The following ABCA12 variants were observed in gnomAD, a reference collection of about 807,000 sequenced individuals.
ABCA12 encodes glucosylceramide transporter ABCA12.
ABCA12 carries 156 observed loss-of-function variants against 293.5 expected under a neutral mutation model. That is an observed-to-expected ratio of 0.53 (90% CI 0.47 to 0.61). The LOEUF (loss-of-function observed/expected upper bound fraction) is 0.61, where lower values mean the gene tolerates loss of function less well. ABCA12 is among the 20% of genes least tolerant of loss of function. The probability of loss-of-function intolerance (pLI) is 0.00; values close to 1 mark genes in which losing one functional copy is unlikely to be tolerated. For synonymous variants in ABCA12, 1,063 were observed against 1,108.0 expected, an observed-to-expected ratio of 0.96 and a Z score of 0.81; for missense variants, 2,797 against 3,090.2, an observed-to-expected ratio of 0.91 and a Z score of 2.25.
intron 30 of ABCA12, among the ~76,000 whole-genome samples, 198 bp downstream of exon 30, chr2:214,981,989 A>AT (rs1699676652): frequency 1.0e-5 from 1 of 97,230 alleles, no homozygotes; most frequent in African/African-American, 4.4e-5. Context: ...TTATTATTTT[A>AT]TTATTATTGA....
chr2:215,103,608 T>A (rs1702404209), intron 2 of ABCA12, among the ~76,000 whole-genome samples: 1 of 152,110 alleles, frequency 6.6e-6, no homozygotes, highest in Admixed American at 6.6e-5. Flanking sequence ...CTCAGTTTCC[T>A]CATCTGACAA....
At chr2:215,075,514 T>A (rs905908272) in intron 2 of ABCA12, 1 of 684,902 alleles carries the variant, frequency 1.5e-6, no homozygotes, top group Non-Finnish European at 2.6e-6. Context: ...TGATTTATTG[T>A]GCAATCATAA....
rs1326714405 is a variant in ABCA12, at chr2:215,138,098, A to AT, written c.69+41dup. The AT allele has an allele frequency of 2.5e-6, 4 of 1,578,232 alleles. No homozygotes were observed. In the African/African-American group the frequency reaches 5.4e-5, roughly 21 times the overall value. On this transcript the variant is annotated intron_variant, in intron 1 of 52. Coordinates refer to ENST00000272895, the MANE Select transcript of ABCA12 (RefSeq NM_173076.3). ...ATCACATTTTAGGATTACCTGGCGT[A>AT]TTGCCCCATGACCCATACTCCCACA... is the stretch of plus-strand genomic sequence containing the variant.
chr2:215,020,188 A>G (rs1341858513), intron 11 of ABCA12, among the ~76,000 whole-genome samples: 1 of 151,804 alleles, frequency 6.6e-6, no homozygotes, highest in Non-Finnish European at 1.5e-5. Context: ...TTTCTTTCTC[A>G]CACCCATTAA....
At chr2:215,068,497 G>A (rs1220137006) in intron 2 of ABCA12, among the ~76,000 whole-genome samples, 1 of 152,114 alleles carries the variant, frequency 6.6e-6, no homozygotes, top group Non-Finnish European at 1.5e-5. Context: ...GCTGTAGTTT[G>A]CTGACTCCTG....
At chr2:215,099,523 T>C (rs1052803582) in intron 2 of ABCA12, among the ~76,000 whole-genome samples, 16 of 151,952 alleles carry the variant, frequency 1.1e-4, no homozygotes, top group African/African-American at 3.9e-4. Context: ...TGAAACCCCG[T>C]CTCTACTAAA....
Position 214,954,114 on chromosome 2 carries a change from T to C in ABCA12, c.6394-7A>G. The C allele has an allele frequency of 6.2e-7, 1 of 1,612,662 alleles. No homozygotes were observed. The highest frequency in any genetic ancestry group is 8.5e-7 in the Non-Finnish European group (1 of 1,179,788). On this transcript the variant is annotated splice_polypyrimidine_tract_variant and splice_region_variant and intron_variant, in intron 43 of 52. Coordinates refer to ENST00000272895, the MANE Select transcript of ABCA12 (RefSeq NM_173076.3). ...CAGAAATAAGTTCTAAAGTCTGAAA[T>C]AAGAGAAATAAAAATAAAACTCAGT... is the stretch of plus-strand genomic sequence containing the variant.
chr2:215,009,904 T>C (rs947563377), intron 18 of ABCA12, among the ~76,000 whole-genome samples: 1 of 152,230 alleles, frequency 6.6e-6, no homozygotes, highest in African/African-American at 2.4e-5. Context: ...CGTTAAATTG[T>C]ACAACTAAAT....
intron 16 of ABCA12, 83 bp downstream of exon 16, chr2:215,011,888 A>C: frequency 1.4e-6 from 2 of 1,399,674 alleles, no homozygotes; most frequent in Admixed American, 1.8e-5. Flanking sequence ...TCAATGTACT[A>C]CGATTGAAGC....
chr2:214,934,772 G>A (rs1698167251), intron 51 of ABCA12, among the ~76,000 whole-genome samples: 1 of 152,046 alleles, frequency 6.6e-6, no homozygotes. Context: ...ATCCATTCTA[G>A]TTGCCTTGGA....
intron 2 of ABCA12, among the ~76,000 whole-genome samples, chr2:215,109,642 T>C (rs1702530494): frequency 6.6e-6 from 1 of 152,236 alleles, no homozygotes; most frequent in South Asian, 2.1e-4. Context: ...CCCTTTAGAT[T>C]AGGCCTAAGA....
intron 14 of ABCA12, 164 bp downstream of exon 14, chr2:215,017,844 T>G (rs1700540352): frequency 2.2e-6 from 2 of 907,298 alleles, no homozygotes; most frequent in Admixed American, 5.3e-5. Context: ...GCTTCAGAAT[T>G]TTTCTTCTAT....
intron 2 of ABCA12, among the ~76,000 whole-genome samples, chr2:215,083,676 T>G (rs1351145600): frequency 1.3e-5 from 2 of 152,170 alleles, no homozygotes; most frequent in Non-Finnish European, 2.9e-5. Context: ...ACCATCTTGG[T>G]GCTCTCTTGG....
intron 35 of ABCA12, 60 bp downstream of exon 35, chr2:214,974,718 C>T: frequency 2.0e-6 from 3 of 1,477,734 alleles, no homozygotes; most frequent in South Asian, 2.3e-5. Flanking sequence ...CCCACATACA[C>T]ATGCACACAC....
chr2:214,954,236 A>G (rs889133346), intron 43 of ABCA12, 129 bp from the exon 44 acceptor site: 11 of 923,940 alleles, frequency 1.2e-5, no homozygotes, highest in African/African-American at 3.4e-5. Flanking sequence ...ATTATTTCCC[A>G]TATAGGCTGA....
intron 1 of ABCA12, among the ~76,000 whole-genome samples, chr2:215,135,800 TTC>T (rs1392943674): frequency 2.6e-5 from 4 of 152,250 alleles, no homozygotes; most frequent in East Asian, 3.9e-4. Flanking sequence ...CAACCTCTTA[TTC>T]CTCTCTTCCT....
chr2:215,084,062 C>G (rs1020889378), intron 2 of ABCA12, among the ~76,000 whole-genome samples: 1 of 152,042 alleles, frequency 6.6e-6, no homozygotes. Context: ...ACTGCAGCCC[C>G]GACCTCCTGG....
chr2:214,955,819 A>T (rs1698930000), intron 42 of ABCA12, among the ~76,000 whole-genome samples: 1 of 152,196 alleles, frequency 6.6e-6, no homozygotes, highest in Admixed American at 6.5e-5. Context: ...AGTTTTTTTT[A>T]AAGACAGTAA....
At chr2:214,985,731 T>C (rs1699770586) in intron 28 of ABCA12, among the ~76,000 whole-genome samples, 1 of 152,226 alleles carries the variant, frequency 6.6e-6, no homozygotes, top group Non-Finnish European at 1.5e-5. Flanking sequence ...GTCACTGAGC[T>C]GATTCGTGAT....
Sources: allele counts gnomAD v4.1 joint callset (sites outside exome capture counted in the v4.1 genomes callset), GRCh38; gene constraint gnomAD v4.1.1; transcripts MANE v1.5; gene names NCBI Gene and HGNC (gene_info 2026-07-23, HGNC 2026-07-21).